The following ZFYVE28 variants were observed in gnomAD, a reference collection of about 807,000 sequenced individuals.
The protein encoded by ZFYVE28 is zinc finger FYVE-type containing 28, also known as lateral signaling target protein 2 homolog.
A neutral mutation model predicts 82.1 loss-of-function variants in ZFYVE28; 40 were observed. The ratio of observed to expected loss-of-function variants is 0.49; its 90% confidence interval spans 0.38 to 0.63. The LOEUF is 0.63. ZFYVE28 is among the 30% of genes least tolerant of loss of function. The pLI, the probability that ZFYVE28 is intolerant of heterozygous loss-of-function variation, is 0.00. For missense variants in ZFYVE28, 1,321 were observed against 1,242.1 expected, an observed-to-expected ratio of 1.06 and a Z score of -0.96; for synonymous variants, 612 against 546.1, an observed-to-expected ratio of 1.12 and a Z score of -1.68.
At chr4:2,322,727 C>T (rs971637833) in intron 6 of ZFYVE28, among the ~76,000 whole-genome samples, 12 of 152,220 alleles carry the variant, frequency 7.9e-5, no homozygotes, top group African/African-American at 2.7e-4. Context: ...CCAGAAAACA[C>T]CCTTTTAATA....
At chr4:2,337,569 A>G (rs1722037386) in intron 4 of ZFYVE28, 73 bp from the exon 5 acceptor site, 1 of 1,221,454 alleles carries the variant, frequency 8.2e-7, no homozygotes. Context: ...AGTGGGGGGC[A>G]TCTTCAATTA....
chr4:2,322,527 GA>G (rs1165498969), intron 6 of ZFYVE28, among the ~76,000 whole-genome samples: 3 of 152,242 alleles, frequency 2.0e-5, no homozygotes, highest in Non-Finnish European at 4.4e-5. Context: ...GTGAGCAGGA[GA>G]GAGGACGCCC....
At position 2,308,504 on chromosome 4, in the gene ZFYVE28, A is replaced by G. The variant is rs535523395; in HGVS notation, c.804-2968T>C. On this transcript the variant is annotated intron_variant, in intron 7 of 12. Transcript: ENST00000290974. ...TATCAATTTCTACAAGGAAGGAAGG[A>G]AGGGAGGGAGGGAGGGAGGGGAGGG... 7.8e-4 allele frequency among the ~76,000 whole-genome samples: 89 copies of G among 113,730 alleles called. 1 individual carries two copies. Among genetic ancestry groups the G allele is most frequent in the Middle Eastern group, 4.1e-3 (1 of 246 alleles). 74.6% of individuals were successfully genotyped at this position (113,730 alleles called of 152,430 possible). A position where few individuals can be genotyped will look rare whatever the true frequency, so the allele number is the denominator to read the frequency against.
chr4:2,277,829 G>A (rs1358353420), intron 8 of ZFYVE28, among the ~76,000 whole-genome samples: 6 of 152,090 alleles, frequency 3.9e-5, no homozygotes, highest in Admixed American at 2.6e-4. Context: ...TGCAAAAATG[G>A]ACAATATGAT....
At chr4:2,334,477 C>G (rs1325091685) in intron 6 of ZFYVE28, among the ~76,000 whole-genome samples, 1 of 151,984 alleles carries the variant, frequency 6.6e-6, no homozygotes, top group East Asian at 1.9e-4. Flanking sequence ...CCTCTGCACC[C>G]CCATTTCCCA....
chr4:2,405,712 T>C (rs1400579058), intron 1 of ZFYVE28, among the ~76,000 whole-genome samples: 1 of 152,250 alleles, frequency 6.6e-6, no homozygotes, highest in African/African-American at 2.4e-5. Flanking sequence ...CCAGCACTCC[T>C]GTCACTGTCC....
chr4:2,281,400 C>T (rs1711951339), intron 8 of ZFYVE28, among the ~76,000 whole-genome samples: 1 of 152,106 alleles, frequency 6.6e-6, no homozygotes, highest in African/African-American at 2.4e-5. Context: ...TTATAATGAA[C>T]AGACATGTTT....
intron 1 of ZFYVE28, among the ~76,000 whole-genome samples, chr4:2,356,061 C>G (rs1560271793): frequency 6.6e-6 from 1 of 152,148 alleles, no homozygotes; most frequent in Non-Finnish European, 1.5e-5. Flanking sequence ...GTGGCCTTGG[C>G]CAGGGTCACT....
intron 8 of ZFYVE28, among the ~76,000 whole-genome samples, chr4:2,292,889 A>G (rs907171961): frequency 2.6e-5 from 4 of 152,318 alleles, no homozygotes; most frequent in Admixed American, 1.3e-4. Flanking sequence ...GCAAAATCCT[A>G]CTGAAGTTCA....
chr4:2,392,858 T>C (rs1406343966), intron 1 of ZFYVE28, among the ~76,000 whole-genome samples: 2 of 152,002 alleles, frequency 1.3e-5, no homozygotes, highest in Non-Finnish European at 2.9e-5. Context: ...GCCCTGTGAG[T>C]TTAATGAGAA....
Position 2,313,788 on chromosome 4 carries a change from G to A in ZFYVE28, c.803+6382C>T, listed in dbSNP as rs551758292. Among the ~76,000 whole-genome samples, 115 of 149,966 alleles carry A rather than the reference G, an allele frequency of 7.7e-4. 2 individuals carry two copies. The highest frequency in any genetic ancestry group is 7.8e-4 in the Non-Finnish European group (53 of 67,770). On this transcript the variant is annotated intron_variant, in intron 7 of 12. Coordinates refer to ENST00000290974, the MANE Select transcript of ZFYVE28 (RefSeq NM_020972.3). Reference sequence around the variant, plus strand: ...GAGCCTGGGTTGCAATTCAGAGGTTGCAATGAGCCGAGATCGCACCACTGC... The same window carrying A: ...GAGCCTGGGTTGCAATTCAGAGGTTACAATGAGCCGAGATCGCACCACTGC...
Position 2,304,330 on chromosome 4 carries a change from G to A in ZFYVE28, c.2010C>T (p.Ser670=), listed in dbSNP as rs768638735. ...EPEARELHAG[S]PSAHEAPQAL... is the part of the protein sequence containing the mutation. Reference sequence around the variant, plus strand: ...CCTGAGGCGCCTCGTGAGCCGAGGGGCTCCCAGCATGCAGCTCTCTGGCCT... The same window carrying A: ...CCTGAGGCGCCTCGTGAGCCGAGGGACTCCCAGCATGCAGCTCTCTGGCCT... The change falls in exon 8 of 13, where the codon AGC becomes AGT. Residue 670 remains serine, a synonymous_variant. Transcript: ENST00000290974. The A allele has an allele frequency of 2.0e-5, 32 of 1,603,492 alleles. No individual in the cohort carries two copies. The highest frequency in any genetic ancestry group is 1.7e-5 in the Admixed American group (1 of 59,462).
intron 2 of ZFYVE28, among the ~76,000 whole-genome samples, chr4:2,350,514 G>C (rs923141716): frequency 2.6e-5 from 4 of 152,084 alleles, no homozygotes; most frequent in African/African-American, 7.2e-5. Flanking sequence ...ATATACGTTT[G>C]GTCATCTTCC....
intron 1 of ZFYVE28, among the ~76,000 whole-genome samples, chr4:2,385,218 C>T (rs1362147840): frequency 6.6e-6 from 1 of 152,200 alleles, no homozygotes; most frequent in African/African-American, 2.4e-5. Flanking sequence ...ACAGACAGAC[C>T]TGGGCCATGG....
rs1733073619 is a variant in ZFYVE28 at position 2,416,675 on chromosome 4, C to T, written c.39+1610G>A. 6.6e-6 allele frequency among the ~76,000 whole-genome samples: 1 copy of T among 152,180 alleles called. No individual in the cohort carries two copies. The highest frequency in any genetic ancestry group is 1.5e-5 in the Non-Finnish European group (1 of 68,036). The stretch of plus-strand genomic sequence containing the variant: ...AGGCGCCGCAGGAGGAGAGGCTGGG[C>T]GCAGACGGCTCGGCCCCAAACCACA... On this transcript the variant is annotated intron_variant, in intron 1 of 12. Coordinates refer to ENST00000290974, the MANE Select transcript of ZFYVE28 (RefSeq NM_020972.3). The surrounding 1 kb of genome is among the most constrained non-coding windows in gnomAD (Gnocchi z 4.6).
In ZFYVE28 at chr4:2,339,836, A is replaced by G. The variant is rs1048272587; in HGVS notation, c.319-181T>C. 2.6e-5 allele frequency among the ~76,000 whole-genome samples: 4 copies of G among 151,748 alleles called. No individual in the cohort carries two copies. Among genetic ancestry groups the G allele is most frequent in the African/African-American group, 7.3e-5 (3 of 41,300 alleles). On this transcript the variant is annotated intron_variant, in intron 3 of 12. Transcript: ENST00000290974. The surrounding 1 kb of genome is among the most constrained non-coding windows in gnomAD (Gnocchi z 5.0). ...TACATTCAGAGCAATCGTGAGGGCG[A>G]TAACCGATGTCCCCCAATGTGACCC...
At chr4:2,380,231 G>C (rs1163713343) in intron 1 of ZFYVE28, among the ~76,000 whole-genome samples, 3 of 152,170 alleles carry the variant, frequency 2.0e-5, no homozygotes, top group Non-Finnish European at 4.4e-5. Flanking sequence ...TTTCTGACTA[G>C]CTGTTGTCTC....
intron 8 of ZFYVE28, chr4:2,287,582 G>A (rs1166329199): frequency 2.0e-5 from 3 of 152,264 alleles, no homozygotes; most frequent in African/African-American, 4.8e-5. Flanking sequence ...CTTTCTCTGC[G>A]GTGACTGACG....
At chr4:2,289,924 C>T (rs974377313) in intron 8 of ZFYVE28, among the ~76,000 whole-genome samples, 3 of 115,144 alleles carry the variant, frequency 2.6e-5, no homozygotes, top group South Asian at 4.9e-4. Flanking sequence ...AGGGGACAGC[C>T]AGGCTGTGGC....
Sources: gnomAD v4.1 joint callset for allele counts (sites outside exome capture counted in the v4.1 genomes callset) on GRCh38, gnomAD v4.1.1 for gene constraint, Gnocchi (gnomAD v3.1) non-coding constraint, MANE v1.5 for transcripts, NCBI Gene and HGNC (gene_info 2026-07-23, HGNC 2026-07-21) for gene names.